Variants in ZNF431 observed in about 807,000 individuals in gnomAD.
ZNF431 encodes zinc finger protein 431.
ZNF431 carries 34 observed loss-of-function variants against 57.0 expected under a neutral mutation model. That is an observed-to-expected ratio of 0.60 (90% CI 0.45 to 0.79). The LOEUF (loss-of-function observed/expected upper bound fraction) is 0.79. ZNF431 is among the 30% of genes least tolerant of loss of function. ZNF431 has a pLI of 0.00. For missense variants in ZNF431, 607 were observed against 667.1 expected, an observed-to-expected ratio of 0.91 and a Z score of 0.99; for synonymous variants, 207 against 220.3, an observed-to-expected ratio of 0.94 and a Z score of 0.54.
chr19:21,168,658 G>A (rs1970793538), intron 4 of ZNF431, among the ~76,000 whole-genome samples: 1 of 152,018 alleles, frequency 6.6e-6, no homozygotes, highest in South Asian at 2.1e-4. Context: ...AAGCCACTGT[G>A]CCTGGCCAAC....
chr19:21,190,612 G>T lies in ZNF431; in HGVS notation c.*6578G>T, dbSNP rs150355466. The T allele has an allele frequency of 6.7e-6, 1 of 150,150 alleles. No individual in the cohort carries two copies. Among genetic ancestry groups the T allele is most frequent in the African/African-American group, 2.5e-5 (1 of 40,812 alleles). 9.3% of individuals were successfully genotyped at this position (150,150 alleles called of 1,614,324 possible). A position where few individuals can be genotyped will look rare whatever the true frequency, so the allele number is the denominator to read the frequency against. On this transcript the variant is annotated 3_prime_UTR_variant, in exon 5 of 5. Coordinates refer to ENST00000311048, the MANE Select transcript of ZNF431 (RefSeq NM_133473.4). ...TTGAGCATTTAAAAATATATCCGTT[G>T]GACATATGTATGACTTTTCTTGAAA...
chr19:21,167,174 T>C (rs1286143196), intron 3 of ZNF431, among the ~76,000 whole-genome samples: 1 of 151,744 alleles, frequency 6.6e-6, no homozygotes, highest in Non-Finnish European at 1.5e-5. Context: ...CTTTTTTTTT[T>C]TTTTGAGATG....
At chr19:21,145,877 C>A (rs1006824983) in intron 2 of ZNF431, among the ~76,000 whole-genome samples, 3 of 151,880 alleles carry the variant, frequency 2.0e-5, no homozygotes, top group Non-Finnish European at 4.4e-5. Context: ...GCAAATGAAC[C>A]GTGAAAAATC....
intron 1 of ZNF431, among the ~76,000 whole-genome samples, chr19:21,142,426 C>G (rs1969967861): frequency 2.0e-5 from 3 of 152,210 alleles, no homozygotes; most frequent in Admixed American, 2.0e-4. Context: ...CTGGAGCCCT[C>G]TCTGGGCAGC....
At chr19:21,166,513 C>G (rs1259627424) in intron 3 of ZNF431, 52 bp downstream of exon 3, 1 of 1,521,456 alleles carries the variant, frequency 6.6e-7, no homozygotes, top group Non-Finnish European at 8.8e-7. Context: ...TGTTTCATGT[C>G]TCTTTTTTTG....
chr19:21,150,233 A>C, intron 2 of ZNF431: 1 of 525,268 alleles, frequency 1.9e-6, no homozygotes, highest in Non-Finnish European at 3.6e-6. Context: ...TCAGCCGCCT[A>C]TAGAGGATGG....
rs543301636 is a variant in ZNF431, at chr19:21,193,089, C to G, written c.*9055C>G. On this transcript the variant is annotated 3_prime_UTR_variant, in exon 5 of 5. Coordinates refer to ENST00000311048, the MANE Select transcript of ZNF431 (RefSeq NM_133473.4). ...AAATTGAATTAATAATTTAAAAAAC[C>G]TACCAACTATAAGGAGCCCTGGATT... 1 of 152,134 alleles carries G rather than the reference C, an allele frequency of 6.6e-6. No individual in the cohort carries two copies. The highest frequency in any genetic ancestry group is 2.1e-4 in the South Asian group (1 of 4,820). The allele number at this position is 152,134 out of a possible 1,614,324, so 9.4% of individuals were successfully genotyped here. A position where few individuals can be genotyped will look rare whatever the true frequency, so the allele number is the denominator to read the frequency against.
intron 4 of ZNF431, among the ~76,000 whole-genome samples, chr19:21,169,164 C>T (rs1318231421): frequency 3.3e-5 from 5 of 152,126 alleles, no homozygotes; most frequent in African/African-American, 1.2e-4. Context: ...TTGCCCCCCT[C>T]AGCCTCCCAA....
intron 2 of ZNF431, chr19:21,149,611 A>C (rs1281771031): frequency 4.1e-6 from 1 of 242,946 alleles, no homozygotes; most frequent in East Asian, 9.4e-5. Flanking sequence ...GTATTATTTT[A>C]ATTATTTTTA....
At chr19:21,170,513 T>C (rs1970853844) in intron 4 of ZNF431, among the ~76,000 whole-genome samples, 1 of 152,222 alleles carries the variant, frequency 6.6e-6, no homozygotes, top group Non-Finnish European at 1.5e-5. Flanking sequence ...GTAAATTAGA[T>C]AATTGGTAGG....
intron 4 of ZNF431, among the ~76,000 whole-genome samples, chr19:21,169,137 A>C (rs1471946210): frequency 6.6e-6 from 1 of 150,620 alleles, no homozygotes; most frequent in Non-Finnish European, 1.5e-5. Context: ...CTGGTCTTGA[A>C]CTCCTGACCT....
chr19:21,168,591 C>T (rs1970791748), intron 4 of ZNF431, among the ~76,000 whole-genome samples: 1 of 152,152 alleles, frequency 6.6e-6, no homozygotes, highest in African/African-American at 2.4e-5. Context: ...TGGTCTCAAA[C>T]TCCTGACCTT....
intron 2 of ZNF431, among the ~76,000 whole-genome samples, chr19:21,156,300 G>C (rs1234381870): frequency 6.6e-6 from 1 of 152,036 alleles, no homozygotes; most frequent in Non-Finnish European, 1.5e-5. Flanking sequence ...AGCCCCACCT[G>C]GGCCACCATC....
chr19:21,166,869 A>G (rs534995982), intron 3 of ZNF431, among the ~76,000 whole-genome samples: 2 of 152,166 alleles, frequency 1.3e-5, no homozygotes, highest in East Asian at 3.9e-4. Flanking sequence ...TATTTTATTT[A>G]TTTATTTTTT....
chr19:21,164,910 A>G (rs958694781), intron 2 of ZNF431, among the ~76,000 whole-genome samples: 1 of 151,956 alleles, frequency 6.6e-6, no homozygotes, highest in Non-Finnish European at 1.5e-5. Context: ...TGGGCGTTCA[A>G]GACCAGCCTG....
chr19:21,169,547 T>C (rs186307751), intron 4 of ZNF431, among the ~76,000 whole-genome samples: 1 of 152,184 alleles, frequency 6.6e-6, no homozygotes, highest in Non-Finnish European at 1.5e-5. Flanking sequence ...GTTGTAGCTT[T>C]GTCACAAGGC....
chr19:21,160,810 G>A (rs1896514235), intron 2 of ZNF431, among the ~76,000 whole-genome samples: 1 of 152,138 alleles, frequency 6.6e-6, no homozygotes, highest in South Asian at 2.1e-4. Context: ...TAGTACTTAG[G>A]TGAAAGACAA....
Position 21,189,249 on chromosome 19 carries a change from CCG to C in ZNF431, c.*5216_*5217del, listed in dbSNP as rs1599629876. Reference sequence around the variant, plus strand: ...CTTGTAATCCCAGCAATTTGGGAGGCCGAGGCAGGCAGATCACATGAGGTCAG... The same window carrying C: ...CTTGTAATCCCAGCAATTTGGGAGGCAGGCAGGCAGATCACATGAGGTCAG... On this transcript the variant is annotated 3_prime_UTR_variant, in exon 5 of 5. Coordinates refer to ENST00000311048, the MANE Select transcript of ZNF431 (RefSeq NM_133473.4). 6.6e-6 allele frequency: 1 copy of C among 152,176 alleles called. No individual in the cohort carries two copies. The highest frequency in any genetic ancestry group is 1.9e-4 in the East Asian group (1 of 5,180). 9.4% of individuals were successfully genotyped at this position (152,176 alleles called of 1,614,324 possible). A position where few individuals can be genotyped will look rare whatever the true frequency, so the allele number is the denominator to read the frequency against.
At chr19:21,149,417 T>A (rs945769024) in intron 2 of ZNF431, among the ~76,000 whole-genome samples, 1 of 152,218 alleles carries the variant, frequency 6.6e-6, no homozygotes, top group Non-Finnish European at 1.5e-5. Flanking sequence ...TCACATGAAC[T>A]AAAAGGTGTT....
Sources: gnomAD v4.1 joint callset for allele counts (sites outside exome capture counted in the v4.1 genomes callset) on GRCh38, gnomAD v4.1.1 for gene constraint, MANE v1.5 for transcripts, NCBI Gene and HGNC (gene_info 2026-07-23, HGNC 2026-07-21) for gene names.